ABLIM2: variants seen among roughly 807,000 people sequenced by gnomAD.
ABLIM2 encodes actin-binding LIM protein 2.
In ABLIM2, 53 loss-of-function variants were observed where a neutral mutation model predicts 97.7. That is an observed-to-expected ratio of 0.54 (90% CI 0.44 to 0.68). ABLIM2 has a LOEUF of 0.68. Among genes scored for constraint, ABLIM2 ranks in the 30% least tolerant of loss-of-function variants. The probability of loss-of-function intolerance (pLI) is 0.00; values close to 1 mark genes in which losing one functional copy is unlikely to be tolerated. For synonymous variants in ABLIM2, 361 were observed against 345.8 expected (o/e 1.04, Z -0.49); for missense variants, 835 against 867.2 (o/e 0.96, Z 0.47).
chr4:8,049,497 G>A (rs1794663125), intron 8 of ABLIM2, among the ~76,000 whole-genome samples: 2 of 152,184 alleles, frequency 1.3e-5, no homozygotes, highest in South Asian at 2.1e-4. Flanking sequence ...AGGCCATGAT[G>A]GGAAGCGGGG....
intron 6 of ABLIM2, among the ~76,000 whole-genome samples, chr4:8,062,502 C>T (rs1004577762): frequency 3.3e-5 from 5 of 151,314 alleles, no homozygotes; most frequent in African/African-American, 7.3e-5. Flanking sequence ...TGCAGTGGCG[C>T]GATCTTGGAT....
chr4:8,127,366 G>C lies in ABLIM2; in HGVS notation c.11-20729C>G, dbSNP rs1028995029. ...GTCCCCGAAGCCTGCACCCACTGGC[G>C]CTCGTGGTGCCGGCGCTCATGACCT... On this transcript the variant is annotated intron_variant, in intron 1 of 20. Transcript: ENST00000447017. This position sits in a 1 kb window ranked among gnomAD's most constrained non-coding sequence, Gnocchi z 7.3. Among the ~76,000 whole-genome samples, 1 of 152,138 alleles carries C rather than the reference G, an allele frequency of 6.6e-6. No individual in the cohort carries two copies. Among genetic ancestry groups the C allele is most frequent in the Non-Finnish European group, 1.5e-5 (1 of 68,030 alleles).
rs541617410 is a variant in ABLIM2 at position 8,147,749 on chromosome 4, T to G, written c.10+10931A>C. On this transcript the variant is annotated intron_variant, in intron 1 of 20. Coordinates refer to ENST00000447017, the MANE Select transcript of ABLIM2 (RefSeq NM_001130083.2). The surrounding 1 kb of genome is among the most constrained non-coding windows in gnomAD (Gnocchi z 5.3). ...GCCAGCGCCGTTTAGCCTCGGACAC[T>G]GACATTGAACTGCTGGCCTCCAGAG... Among the ~76,000 whole-genome samples the G allele has an allele frequency of 6.6e-5, 10 of 152,304 alleles. No individual in the cohort carries two copies. Among genetic ancestry groups the G allele is most frequent in the African/African-American group, 2.4e-4 (10 of 41,566 alleles).
intron 18 of ABLIM2, 96 bp from the exon 19 acceptor site, chr4:7,983,650 T>G: frequency 6.9e-7 from 1 of 1,454,898 alleles, no homozygotes; most frequent in Non-Finnish European, 9.5e-7. Context: ...TACCCCTGTC[T>G]CCCCCCTGCA....
At chr4:8,136,075 A>G (rs1353552745) in intron 1 of ABLIM2, among the ~76,000 whole-genome samples, 2 of 152,256 alleles carry the variant, frequency 1.3e-5, no homozygotes, top group Admixed American at 1.3e-4. Flanking sequence ...AGACATGAAC[A>G]GATGAGCAAA....
chr4:8,144,632 G>A (rs1268178856), intron 1 of ABLIM2, among the ~76,000 whole-genome samples: 3 of 152,202 alleles, frequency 2.0e-5, no homozygotes, highest in Admixed American at 1.3e-4. Flanking sequence ...AGCGGGTGAC[G>A]CGGGGCAGGC....
intron 8 of ABLIM2, 26 bp from the exon 9 acceptor site, chr4:8,045,267 G>A (rs1791558425): frequency 6.2e-7 from 1 of 1,600,384 alleles, no homozygotes. Flanking sequence ...GGAAGAGATT[G>A]AAGGCAGGTA....
rs888640280 is a variant in ABLIM2 at position 8,020,097 on chromosome 4, G to A, written c.1369+105C>T. The A allele has an allele frequency of 5.6e-5, 58 of 1,030,914 alleles. 1 individual carries two copies. Among genetic ancestry groups the A allele is most frequent in the African/African-American group, 1.1e-4 (7 of 62,512 alleles). 63.9% of individuals were successfully genotyped at this position (1,030,914 alleles called of 1,614,324 possible). On this transcript the variant is annotated intron_variant, in intron 13 of 20. Transcript: ENST00000447017. The stretch of plus-strand genomic sequence containing the variant: ...GAGCAGTGGAGGAGCCTGGAGTGTC[G>A]TCTGGCGCCTGCTGAGTCAAGGCAA...
chr4:8,009,228 AG>A, intron 14 of ABLIM2, 126 bp from the exon 15 acceptor site: 1 of 1,174,474 alleles, frequency 8.5e-7, no homozygotes. Flanking sequence ...CAGTAGTACG[AG>A]TGCCTTTCAA....
At chr4:8,131,688 C>T (rs577228402) in intron 1 of ABLIM2, among the ~76,000 whole-genome samples, 52 of 112,012 alleles carry the variant, frequency 4.6e-4, no homozygotes, top group African/African-American at 1.8e-3. Context: ...CACAGCAGCC[C>T]GCATCCCCAG....
chr4:8,007,883 G>T (rs1762447062), intron 16 of ABLIM2, 176 bp downstream of exon 16: 2 of 1,408,698 alleles, frequency 1.4e-6, no homozygotes, highest in Non-Finnish European at 1.8e-6. Context: ...TGGGAAGCCG[G>T]CAAACTGCAA....
In ABLIM2 at chr4:8,063,867, G is replaced by C. The variant is rs75825162; in HGVS notation, c.676-2813C>G. On this transcript the variant is annotated intron_variant, in intron 6 of 20. Coordinates refer to ENST00000447017, the MANE Select transcript of ABLIM2 (RefSeq NM_001130083.2). ...CCCCAACTTGTCTGAATAAGCCTAG[G>C]CATGCCTGGACTTGCTACAGCCCCA... Among the ~76,000 whole-genome samples the C allele has an allele frequency of 6.6e-3, 1,012 of 152,244 alleles. 7 individuals are homozygous for C. Among genetic ancestry groups the C allele is most frequent in the African/African-American group, 0.023 (966 of 41,538 alleles).
In ABLIM2 at chr4:8,068,510, C is replaced by A. The variant is rs953949108; in HGVS notation, c.676-7456G>T. Among the ~76,000 whole-genome samples, 32 of 152,330 alleles carry A rather than the reference C, an allele frequency of 2.1e-4. No homozygotes were observed. The highest frequency in any genetic ancestry group is 5.9e-4 in the Admixed American group (9 of 15,306). On this transcript the variant is annotated intron_variant, in intron 6 of 20. Coordinates refer to ENST00000447017, the MANE Select transcript of ABLIM2 (RefSeq NM_001130083.2). The surrounding 1 kb of genome is among the most constrained non-coding windows in gnomAD (Gnocchi z 4.5). ...TCCCGCCTCCAGAAACCCCTCCTGT[C>A]CCAGCAGAGGAGAGCTAGTGGTCCC...
At chr4:8,108,932 T>C (rs568125242) in intron 1 of ABLIM2, among the ~76,000 whole-genome samples, 1 of 152,342 alleles carries the variant, frequency 6.6e-6, no homozygotes, top group South Asian at 2.1e-4. Flanking sequence ...CGATGGTCTA[T>C]TTCGGGGACC....
At position 8,140,385 on chromosome 4, in the gene ABLIM2, A is replaced by G. The variant is rs1157776586; in HGVS notation, c.10+18295T>C. ...GATCCTACACGGCAGCTAAGGAATC[A>G]GCCATGGCAGGGGATTTCATGCCAG... is the stretch of plus-strand genomic sequence containing the variant. On this transcript the variant is annotated intron_variant, in intron 1 of 20. Transcript: ENST00000447017. This position sits in a 1 kb window ranked among gnomAD's most constrained non-coding sequence, Gnocchi z 5.9. Among the ~76,000 whole-genome samples, 1 of 152,234 alleles carries G rather than the reference A, an allele frequency of 6.6e-6. No individual in the cohort carries two copies. The highest frequency in any genetic ancestry group is 2.4e-5 in the African/African-American group (1 of 41,464).
intron 7 of ABLIM2, among the ~76,000 whole-genome samples, chr4:8,059,931 C>A (rs10014127): frequency 0.58 from 85,490 of 148,338 alleles, 25,623 homozygotes; most frequent in African/African-American, 0.74. Flanking sequence ...AAAAAAACCC[C>A]AAAAAACCCC....
Position 8,130,147 on chromosome 4 carries a change from C to A in ABLIM2, c.11-23510G>T, listed in dbSNP as rs538663034. Among the ~76,000 whole-genome samples the A allele has an allele frequency of 3.3e-3, 496 of 152,226 alleles. 1 individual carries two copies. Among genetic ancestry groups the A allele is most frequent in the African/African-American group, 0.012 (482 of 41,548 alleles). ...CCAAGAAAGGCCCTGGTGGTCTCAG[C>A]CTGGAAGGGGAACACTCAAGTCTTG... On this transcript the variant is annotated intron_variant, in intron 1 of 20. Coordinates refer to ENST00000447017, the MANE Select transcript of ABLIM2 (RefSeq NM_001130083.2). The surrounding 1 kb of genome is among the most constrained non-coding windows in gnomAD (Gnocchi z 4.2).
In ABLIM2 at chr4:8,088,212, G is replaced by A. The variant is rs748396127; in HGVS notation, c.411C>T (p.Pro137=). ...GGTGCGCGCTGCTGCCCACCGATAC[G>A]GGCAGGGAACACTTCTGGCACATGC... ...KECMCQKCSL[P]VSVGSSAHLS... The change falls in exon 4 of 21, where the codon CCC becomes CCT. Residue 137 remains proline (P), a synonymous_variant. Coordinates refer to ENST00000447017, the MANE Select transcript of ABLIM2 (RefSeq NM_001130083.2). 11 of 1,612,132 alleles carry A rather than the reference G, an allele frequency of 6.8e-6. No individual in the cohort carries two copies. Among genetic ancestry groups the A allele is most frequent in the African/African-American group, 1.3e-5 (1 of 74,484 alleles).
At chr4:8,091,384 T>TA (rs1365444013) in intron 3 of ABLIM2, among the ~76,000 whole-genome samples, 11 of 61,234 alleles carry the variant, frequency 1.8e-4, no homozygotes, top group African/African-American at 6.9e-4. Context: ...TATAATTATA[T>TA]TATATATAAT....
Sources: allele counts gnomAD v4.1 joint callset (sites outside exome capture counted in the v4.1 genomes callset), GRCh38; gene constraint gnomAD v4.1.1; non-coding constraint Gnocchi (gnomAD v3.1); transcripts MANE v1.5; gene names NCBI Gene and HGNC (gene_info 2026-07-23, HGNC 2026-07-21).